The following CRB1 variants were observed in gnomAD, a reference collection of about 807,000 sequenced individuals.
CRB1 encodes protein crumbs homolog 1.
CRB1 carries 83 observed loss-of-function variants against 120.0 expected under a neutral mutation model. The ratio of observed to expected loss-of-function variants is 0.69; its 90% CI spans 0.58 to 0.83. The LOEUF (loss-of-function observed/expected upper bound fraction) is 0.83, where lower values mean the gene tolerates loss of function less well. Ranked by LOEUF, CRB1 falls within the 40% of genes least tolerant of loss-of-function variation. The pLI, the probability that CRB1 is intolerant of heterozygous loss-of-function variation, is 0.00. For missense variants in CRB1, 1,699 were observed against 1,687.6 expected (o/e 1.01, Z -0.12); for synonymous variants, 625 against 612.5 (o/e 1.02, Z -0.30).
At chr1:197,307,989 G>A (rs1657272800) in intron 1 of CRB1, among the ~76,000 whole-genome samples, 2 of 152,102 alleles carry the variant, frequency 1.3e-5, no homozygotes, top group Admixed American at 1.3e-4. Context: ...ACATGCACTT[G>A]TATGTTCATT....
intron 11 of CRB1, among the ~76,000 whole-genome samples, chr1:197,465,592 G>A (rs1358034993): frequency 6.6e-6 from 1 of 152,110 alleles, no homozygotes; most frequent in East Asian, 1.9e-4. Flanking sequence ...TTTTAGAAAT[G>A]TTCACTTGGG....
chr1:197,252,613 T>TGTGTGA, the CRB1 span, among the ~76,000 whole-genome samples: 15 of 111,144 alleles, frequency 1.3e-4, no homozygotes, highest in African/African-American at 4.7e-4. Context: ...TGTGTGTGTG[T>TGTGTGA]GATATATATA....
the CRB1 span, among the ~76,000 whole-genome samples, chr1:197,221,150 A>T: frequency 6.6e-6 from 1 of 152,142 alleles, no homozygotes; most frequent in Non-Finnish European, 1.5e-5. Context: ...AATAGAAGAG[A>T]TTTTTAGAGG....
rs1664892334 is a variant in CRB1, at chr1:197,432,007, A to C, written c.2842+2393A>C. On this transcript the variant is annotated intron_variant, in intron 8 of 11. Transcript: ENST00000367400. ...ATACTCTTGAGAGTACAGCTGATAAATTGCTCTGAGTTTGCCTTTAGGACT... is the reference window on the plus strand; with the variant it reads ...ATACTCTTGAGAGTACAGCTGATAACTTGCTCTGAGTTTGCCTTTAGGACT... 2.6e-5 allele frequency among the ~76,000 whole-genome samples: 4 copies of C among 152,226 alleles called. No individual in the cohort carries two copies. In the South Asian group the frequency reaches 8.3e-4, roughly 32 times the overall value.
At chr1:197,333,093 C>T (rs749310664) in intron 2 of CRB1, among the ~76,000 whole-genome samples, 8 of 152,078 alleles carry the variant, frequency 5.3e-5, no homozygotes, top group African/African-American at 9.7e-5. Flanking sequence ...ACTCCTCTTA[C>T]AGAAAAAAAC....
intron 11 of CRB1, among the ~76,000 whole-genome samples, chr1:197,461,862 T>A (rs928101080): frequency 4.6e-5 from 7 of 152,074 alleles, no homozygotes; most frequent in Non-Finnish European, 8.8e-5. Context: ...TCAGCTCAGT[T>A]CAAAAAAATT....
intron 1 of CRB1, among the ~76,000 whole-genome samples, chr1:197,316,360 A>G (rs1052377754): frequency 6.6e-6 from 1 of 150,382 alleles, no homozygotes; most frequent in African/African-American, 2.5e-5. Context: ...GATTTTTTGT[A>G]TTTTTAGTAG....
intron 5 of CRB1, among the ~76,000 whole-genome samples, chr1:197,414,799 T>C (rs1321171262): frequency 6.6e-6 from 1 of 152,182 alleles, no homozygotes; most frequent in Non-Finnish European, 1.5e-5. Context: ...ATAGGAGACA[T>C]TTTTATCTTT....
At chr1:197,313,458 T>A (rs943701323) in intron 1 of CRB1, among the ~76,000 whole-genome samples, 1 of 152,254 alleles carries the variant, frequency 6.6e-6, no homozygotes, top group African/African-American at 2.4e-5. Context: ...TTGGGAACAT[T>A]ACAATTCTTT....
intron 1 of CRB1, among the ~76,000 whole-genome samples, chr1:197,327,121 A>AC (rs1558055698): frequency 5.0e-5 from 7 of 138,974 alleles, no homozygotes; most frequent in African/African-American, 1.3e-4. Flanking sequence ...AAAAAAAAAA[A>AC]AAAAAAAAAA....
chr1:197,277,761 A>G (rs938001849), intron 1 of CRB1, among the ~76,000 whole-genome samples: 2 of 152,000 alleles, frequency 1.3e-5, no homozygotes, highest in Admixed American at 6.6e-5. Context: ...TTGTGTATCT[A>G]TAAATGCATC....
intron 1 of CRB1, among the ~76,000 whole-genome samples, chr1:197,304,706 C>G (rs1293988238): frequency 6.6e-6 from 1 of 152,194 alleles, no homozygotes; most frequent in Non-Finnish European, 1.5e-5. Context: ...CCTCTTTTGG[C>G]TACATCTACA....
In CRB1 at chr1:197,305,768, T is replaced by A. The variant is rs1024586243; in HGVS notation, c.71-22654T>A. On this transcript the variant is annotated intron_variant, in intron 1 of 11. Coordinates refer to ENST00000367400, the MANE Select transcript of CRB1 (RefSeq NM_201253.3). ...ACTATTCAAATACCTTCAATCCTTG[T>A]GAATATTTTCCCAAATTGCAAGGAG... 2.0e-5 allele frequency among the ~76,000 whole-genome samples: 3 copies of A among 152,010 alleles called. No homozygotes were observed. In the South Asian group the frequency reaches 6.2e-4, roughly 32 times the overall value.
intron 11 of CRB1, among the ~76,000 whole-genome samples, chr1:197,459,878 G>A (rs1432006006): frequency 6.6e-6 from 1 of 151,852 alleles, no homozygotes; most frequent in African/African-American, 2.4e-5. Context: ...ATTTTTTTGG[G>A]AGTTTGGTTT....
rs2125194017 is a variant in CRB1, at chr1:197,268,478, A to T, written c.66A>T (p.Ile22=). The part of the protein sequence containing the change: ...FYLSFSLLIY[I]KNSFCNKNNT... ...TCAGTTTCTCACTGCTTATCTACAT[A>T]AAAAGTAAGCCTTTCCCACTTTGGG... The change falls in exon 1 of 12, where the codon ATA becomes ATT. Residue 22 remains isoleucine (I), a synonymous_variant. Coordinates refer to ENST00000367400, the MANE Select transcript of CRB1 (RefSeq NM_201253.3). The T allele has an allele frequency of 1.2e-6, 2 of 1,609,552 alleles. No individual in the cohort carries two copies. Among genetic ancestry groups the T allele is most frequent in the Non-Finnish European group, 1.7e-6 (2 of 1,175,856 alleles).
At chr1:197,268,202 A>G (rs750554916), upstream of CRB1, 6 of 534,020 alleles carry the variant, frequency 1.1e-5, no homozygotes, top group South Asian at 4.2e-5. Flanking sequence ...AAATCACCCC[A>G]TCCTCCCGTG....
chr1:197,233,311 C>T, the CRB1 span, among the ~76,000 whole-genome samples: 1 of 152,128 alleles, frequency 6.6e-6, no homozygotes, highest in Non-Finnish European at 1.5e-5. Flanking sequence ...AGTAGTTGCC[C>T]TAATTGCAAT....
intron 5 of CRB1, among the ~76,000 whole-genome samples, chr1:197,361,905 C>T (rs994119687): frequency 1.5e-4 from 23 of 151,132 alleles, no homozygotes; most frequent in African/African-American, 5.6e-4. Flanking sequence ...TTTTATTTTT[C>T]TAGCTTCTTG....
chr1:197,456,963 A>G (rs1666311189), intron 11 of CRB1, among the ~76,000 whole-genome samples: 1 of 152,268 alleles, frequency 6.6e-6, no homozygotes, highest in Non-Finnish European at 1.5e-5. Flanking sequence ...GTAGAAAATC[A>G]TGTCCTTTTC....
Sources: allele counts gnomAD v4.1 joint callset (sites outside exome capture counted in the v4.1 genomes callset), GRCh38; gene constraint gnomAD v4.1.1; transcripts MANE v1.5; gene names NCBI Gene and HGNC (gene_info 2026-07-23, HGNC 2026-07-21).